The following COL23A1 variants were observed in gnomAD, a reference collection of about 807,000 sequenced individuals.
COL23A1 encodes collagen alpha-1(XXIII) chain.
COL23A1 carries 97 observed loss-of-function variants against 99.3 expected under a neutral mutation model. The observed-to-expected ratio is 0.98, with a 90% CI of 0.83 to 1.16. The LOEUF is 1.16. Among genes scored for constraint, COL23A1 ranks in the 50% most tolerant of loss-of-function variants. The pLI is 0.00. For synonymous variants in COL23A1, 320 were observed against 308.2 expected (o/e 1.04, Z -0.40); for missense variants, 762 against 757.4 (o/e 1.01, Z -0.07).
Position 178,537,052 on chromosome 5 carries a change from A to T in COL23A1, c.361+23630T>A, listed in dbSNP as rs539941643. On this transcript the variant is annotated intron_variant, in intron 2 of 28. Transcript: ENST00000390654. ...TCCTGCTTACCTTCCAGAGACACAT[A>T]CGGCACTGGCCTGGGCCAGACTCCT... is the stretch of plus-strand genomic sequence containing the variant. Among the ~76,000 whole-genome samples the T allele has an allele frequency of 3.3e-5, 5 of 152,286 alleles. No homozygotes were observed. The East Asian group carries it at 9.7e-4, about 29-fold the overall frequency.
At chr5:178,364,459 C>T (rs1025885247) in intron 2 of COL23A1, among the ~76,000 whole-genome samples, 2 of 109,148 alleles carry the variant, frequency 1.8e-5, no homozygotes, top group African/African-American at 6.7e-5. Flanking sequence ...CAGGTGGGGC[C>T]CGCCTGTGCA....
At chr5:178,347,873 C>A in intron 2 of COL23A1, among the ~76,000 whole-genome samples, 1 of 118,456 alleles carries the variant, frequency 8.4e-6, no homozygotes. Flanking sequence ...GAGCAAGACT[C>A]TGTCTCAAAA....
At chr5:178,447,854 T>C (rs1767250107) in intron 2 of COL23A1, among the ~76,000 whole-genome samples, 1 of 152,176 alleles carries the variant, frequency 6.6e-6, no homozygotes, top group Non-Finnish European at 1.5e-5. Flanking sequence ...CAGGGACCTT[T>C]GGAATGTGGG....
intron 3 of COL23A1, among the ~76,000 whole-genome samples, chr5:178,304,748 G>C (rs921215484): frequency 6.6e-6 from 1 of 152,176 alleles, no homozygotes; most frequent in African/African-American, 2.4e-5. Flanking sequence ...ATGAGGGGGA[G>C]GGATCCTGCC....
At chr5:178,540,516 AGAAGACTCAAATACATG>A (rs1444598980) in intron 2 of COL23A1, among the ~76,000 whole-genome samples, 4 of 152,250 alleles carry the variant, frequency 2.6e-5, no homozygotes, top group African/African-American at 9.6e-5. Flanking sequence ...ACAAAATTAA[AGAAGACTCAAATACATG>A]GAGAGAGATA....
chr5:178,354,548 GTTCTCA>G (rs1475506463), intron 2 of COL23A1, among the ~76,000 whole-genome samples: 1 of 152,110 alleles, frequency 6.6e-6, no homozygotes, highest in Non-Finnish European at 1.5e-5. Flanking sequence ...TCTGGGTGCT[GTTCTCA>G]TGACAGTGAC....
chr5:178,571,960 CG>C (rs34807175), intron 1 of COL23A1, among the ~76,000 whole-genome samples: 181 of 151,436 alleles, frequency 1.2e-3, no homozygotes, highest in Non-Finnish European at 2.3e-3. Context: ...CCCAGCTACT[CG>C]GGAGGCTGAG....
chr5:178,476,314 A>T (rs1281314927), intron 2 of COL23A1, among the ~76,000 whole-genome samples: 3 of 152,144 alleles, frequency 2.0e-5, no homozygotes, highest in Admixed American at 1.3e-4. Context: ...TCTGTTGAGT[A>T]ACAGAGTGGA....
Position 178,384,154 on chromosome 5 carries a change from C to T in COL23A1, c.362-77235G>A, listed in dbSNP as rs921277037. Among the ~76,000 whole-genome samples, 1 of 152,138 alleles carries T rather than the reference C, an allele frequency of 6.6e-6. No individual in the cohort carries two copies. Among genetic ancestry groups the T allele is most frequent in the Non-Finnish European group, 1.5e-5 (1 of 68,024 alleles). On this transcript the variant is annotated intron_variant, in intron 2 of 28. Transcript: ENST00000390654. This position sits in a 1 kb window ranked among gnomAD's most constrained non-coding sequence, Gnocchi z 5.5. ...AAAATAAGGCTGGCCATCGAGAAGA[C>T]CGAGAGGCAGGGTCAGGGGCGGCAC...
At chr5:178,278,567 A>T (rs59552020) in intron 5 of COL23A1, among the ~76,000 whole-genome samples, 1,958 of 151,926 alleles carry the variant, frequency 0.013, 31 homozygotes, top group African/African-American at 0.045. Flanking sequence ...CTATTTTCTC[A>T]CTTGCCGGCG....
At chr5:178,324,290 C>A (rs1462995892) in intron 2 of COL23A1, among the ~76,000 whole-genome samples, 1 of 152,166 alleles carries the variant, frequency 6.6e-6, no homozygotes, top group Non-Finnish European at 1.5e-5. Flanking sequence ...CTCTGAAAAC[C>A]AAGTGGCTTC....
intron 2 of COL23A1, among the ~76,000 whole-genome samples, chr5:178,516,615 T>TC (rs1759532483): frequency 6.6e-6 from 1 of 152,198 alleles, no homozygotes; most frequent in African/African-American, 2.4e-5. Flanking sequence ...CCAGGCCCTG[T>TC]CTCTTTCCAC....
At chr5:178,265,635 C>A in intron 8 of COL23A1, 1 of 981,866 alleles carries the variant, frequency 1.0e-6, no homozygotes, top group Non-Finnish European at 1.2e-6. Context: ...CAGGTCCAGA[C>A]CCCCACTCAG....
chr5:178,513,140 G>A (rs1426758127), intron 2 of COL23A1, among the ~76,000 whole-genome samples: 2 of 149,592 alleles, frequency 1.3e-5, no homozygotes, highest in African/African-American at 2.6e-5. Context: ...TCATTCCAGA[G>A]GGCGCAGACC....
At chr5:178,252,922 CT>C (rs1239813683) in intron 16 of COL23A1, among the ~76,000 whole-genome samples, 2 of 152,200 alleles carry the variant, frequency 1.3e-5, no homozygotes, top group Non-Finnish European at 2.9e-5. Flanking sequence ...CCTATTGCCT[CT>C]CAAAGCAAGC....
chr5:178,438,509 T>A (rs1356667934), intron 2 of COL23A1, among the ~76,000 whole-genome samples: 1 of 152,208 alleles, frequency 6.6e-6, no homozygotes, highest in Non-Finnish European at 1.5e-5. Context: ...ATGTATCATA[T>A]GCTATGGAGA....
intron 2 of COL23A1, among the ~76,000 whole-genome samples, chr5:178,382,134 G>C (rs1387640616): frequency 6.6e-6 from 1 of 152,134 alleles, no homozygotes; most frequent in Non-Finnish European, 1.5e-5. Context: ...CACAGTCCCT[G>C]GGGGGCTGAG....
In COL23A1 at chr5:178,262,081, C is replaced by T. The variant is rs552926713; in HGVS notation, c.675+136G>A. The T allele has an allele frequency of 5.2e-5, 50 of 965,690 alleles. No individual in the cohort carries two copies. In the Middle Eastern group the frequency reaches 1.2e-3, roughly 24 times the overall value. The allele number at this position is 965,690 out of a possible 1,614,324, so 59.8% of individuals were successfully genotyped here. On this transcript the variant is annotated intron_variant, in intron 10 of 28. Transcript: ENST00000390654. ...ACAGGGGTCCACACACATGCAGACACGTACATGCAGAGGCGCGCGCACACA... is the reference window on the plus strand; with the variant it reads ...ACAGGGGTCCACACACATGCAGACATGTACATGCAGAGGCGCGCGCACACA...
At chr5:178,498,271 AAT>A (rs374418308) in intron 2 of COL23A1, among the ~76,000 whole-genome samples, 2,264 of 127,406 alleles carry the variant, frequency 0.018, 220 homozygotes, top group African/African-American at 0.06. Context: ...AGAACTTAAA[AAT>A]AAAAAAATAA....
Sources: gnomAD v4.1 joint callset for allele counts (sites outside exome capture counted in the v4.1 genomes callset) on GRCh38, gnomAD v4.1.1 for gene constraint, Gnocchi (gnomAD v3.1) non-coding constraint, MANE v1.5 for transcripts, NCBI Gene and HGNC (gene_info 2026-07-23, HGNC 2026-07-21) for gene names.